The following FYB2 variants were observed in gnomAD, a reference collection of about 807,000 sequenced individuals.
FYB2 encodes the protein FYN binding protein 2.
Under a neutral mutation model 94.1 loss-of-function variants are expected in FYB2, and 103 were observed. The ratio of observed to expected loss-of-function variants is 1.09; its 90% CI spans 0.93 to 1.29. The LOEUF is 1.29. Ranked by LOEUF, FYB2 falls within the 50% of genes most tolerant of loss-of-function variation. The pLI is 0.00. For synonymous variants in FYB2, 293 were observed against 287.9 expected (o/e 1.02, Z -0.18); for missense variants, 896 against 841.5 (o/e 1.06, Z -0.80).
intron 5 of FYB2, among the ~76,000 whole-genome samples, chr1:56,764,639 CTA>C (rs1645579219): frequency 6.6e-6 from 1 of 151,862 alleles, no homozygotes; most frequent in Admixed American, 6.6e-5. Flanking sequence ...ATGTCCATAA[CTA>C]TGCATTGGAA....
intron 15 of FYB2, among the ~76,000 whole-genome samples, chr1:56,735,042 C>T (rs1227370400): frequency 2.0e-5 from 3 of 151,910 alleles, no homozygotes; most frequent in African/African-American, 7.3e-5. Context: ...CTATGAATAA[C>T]AGTATGGAGG....
At chr1:56,813,206 A>G (rs986126611) in intron 1 of FYB2, among the ~76,000 whole-genome samples, 3 of 152,202 alleles carry the variant, frequency 2.0e-5, no homozygotes, top group African/African-American at 7.2e-5. Flanking sequence ...AACTTGATGT[A>G]TTAGTCCGTT....
intron 5 of FYB2, 80 bp from the exon 6 acceptor site, chr1:56,758,830 AAAGATTCC>A: frequency 1.8e-6 from 2 of 1,102,790 alleles, no homozygotes; most frequent in Non-Finnish European, 2.6e-6. Context: ...AGCAGTTATA[AAAGATTCC>A]AGAATTCAGT....
At chr1:56,732,627 AG>A (rs1450970446) in intron 15 of FYB2, among the ~76,000 whole-genome samples, 4 of 152,246 alleles carry the variant, frequency 2.6e-5, no homozygotes, top group African/African-American at 9.6e-5. Context: ...GGCATAAAAC[AG>A]ACACACAAAC....
At position 56,775,042 on chromosome 1, in the gene FYB2, T is replaced by C. The variant is rs1365208918; in HGVS notation, c.954-7104A>G. 2.6e-5 allele frequency among the ~76,000 whole-genome samples: 4 copies of C among 152,116 alleles called. No individual in the cohort carries two copies. In the South Asian group the frequency reaches 8.3e-4, roughly 32 times the overall value. Reference sequence around the variant, plus strand: ...TAGGGATACTTTTGAGATTTTGGAATTTGGACTGGCTTCCTTGCTCCTCAG... The same window carrying C: ...TAGGGATACTTTTGAGATTTTGGAACTTGGACTGGCTTCCTTGCTCCTCAG... On this transcript the variant is annotated intron_variant, in intron 4 of 19. Transcript: ENST00000343433.
At chr1:56,774,940 G>A (rs991277059) in intron 4 of FYB2, among the ~76,000 whole-genome samples, 1 of 152,032 alleles carries the variant, frequency 6.6e-6, no homozygotes, top group Admixed American at 6.6e-5. Context: ...TGGACTCTTG[G>A]ACTTAAACCA....
At position 56,751,648 on chromosome 1, in the gene FYB2, T is replaced by C. The variant is rs74073525; in HGVS notation, c.1228-445A>G. Among the ~76,000 whole-genome samples, 1,508 of 152,164 alleles carry C rather than the reference T, an allele frequency of 9.9e-3. 26 individuals carry two copies. Among genetic ancestry groups the C allele is most frequent in the African/African-American group, 0.034 (1,414 of 41,546 alleles). ...AAGGGATGCTATGTATTCCTTTTCA[T>C]TTCCTTCTTTTTGCCTACATTTTGT... On this transcript the variant is annotated intron_variant, in intron 8 of 19. Transcript: ENST00000343433.
At position 56,792,257 on chromosome 1, in the gene FYB2, GC is replaced by G; in HGVS notation, c.555del (p.Lys185AsnfsTer32). On this transcript the variant is annotated frameshift_variant, in exon 2 of 20. Transcript: ENST00000343433. LOFTEE classifies it high-confidence loss of function. ...AGAGTCTGGGCTCCTTTTGTTTCCA[GC>G]TTTTTCCTGGGTTCCTCTGGAGTAA... ...MGLTPEEPRK[K>X]LETKGAQTLP... is the part of the protein sequence containing the mutation. 1 of 1,612,244 alleles carries G rather than the reference GC, an allele frequency of 6.2e-7. No homozygotes were observed. The highest frequency in any genetic ancestry group is 1.1e-5 in the South Asian group (1 of 90,626).
In FYB2 at chr1:56,751,122, G is replaced by T. The variant is rs371955958; in HGVS notation, c.1309C>A (p.Gln437Lys). Residue 437 changes from glutamine (Q) to lysine (K), a missense_variant, in exon 9 of 20, where the codon CAA becomes AAA. By Grantham distance (53) the Gln-to-Lys change is moderately conservative. Transcript: ENST00000343433. ...TGGATGATGTCAATCATGGCCTCTT[G>T]CTTTCCAGCCAACATGTTCCTTCTA... ...TGRRNMLAGK[Q>K]EAMIDIIQTN... 6 of 1,612,746 alleles carry T rather than the reference G, an allele frequency of 3.7e-6. No homozygotes were observed. Among genetic ancestry groups the T allele is most frequent in the Non-Finnish European group, 5.1e-6 (6 of 1,179,274 alleles).
At chr1:56,803,122 AT>A (rs1646559641) in intron 1 of FYB2, among the ~76,000 whole-genome samples, 1 of 152,126 alleles carries the variant, frequency 6.6e-6, no homozygotes, top group Admixed American at 6.6e-5. Flanking sequence ...TGGAATTCAA[AT>A]TTTTTCCAGT....
Position 56,719,359 on chromosome 1 carries a change from A to G in FYB2, c.*312T>C, listed in dbSNP as rs1400832448. 3.6e-6 allele frequency: 1 copy of G among 279,872 alleles called. No individual in the cohort carries two copies. The allele number at this position is 279,872 out of a possible 1,614,324, so 17.3% of individuals were successfully genotyped here. A position where few individuals can be genotyped will look rare whatever the true frequency, so the allele number is the denominator to read the frequency against. On this transcript the variant is annotated 3_prime_UTR_variant, in exon 20 of 20. Transcript: ENST00000343433. Reference sequence around the variant, plus strand: ...CACAACTGACTAGGTGCCATAAGGCATGATTTCTAACTTTGGATATGGCTC... The same window carrying G: ...CACAACTGACTAGGTGCCATAAGGCGTGATTTCTAACTTTGGATATGGCTC...
intron 9 of FYB2, 60 bp downstream of exon 9, chr1:56,750,984 C>A: frequency 6.5e-7 from 1 of 1,549,596 alleles, no homozygotes. Flanking sequence ...AAATTTTGGC[C>A]ATGCTCAGCT....
intron 4 of FYB2, among the ~76,000 whole-genome samples, chr1:56,774,944 T>A (rs1645841523): frequency 1.3e-5 from 2 of 152,150 alleles, no homozygotes; most frequent in Admixed American, 1.3e-4. Context: ...CTCTTGGACT[T>A]AAACCAGTGG....
At position 56,792,150 on chromosome 1, in the gene FYB2, G is replaced by A; in HGVS notation, c.663C>T (p.Ile221=). The A allele has an allele frequency of 6.2e-7, 1 of 1,613,938 alleles. No homozygotes were observed. Among genetic ancestry groups the A allele is most frequent in the South Asian group, 1.1e-5 (1 of 91,022 alleles). Residue 221 remains isoleucine (I), a synonymous_variant, in exon 2 of 20, where the codon ATC becomes ATT. Coordinates refer to ENST00000343433, the MANE Select transcript of FYB2 (RefSeq NM_001004303.5). Reference sequence around the variant, plus strand: ...GAGGTGGGTTTTCCCAGCTTTTTCTGATATGTTGAGAAATTACAAAAGAGG... The same window carrying A: ...GAGGTGGGTTTTCCCAGCTTTTTCTAATATGTTGAGAAATTACAAAAGAGG... ...EDPSFVISQH[I]RKSWENPPPE... is the part of the protein sequence containing the mutation.
intron 4 of FYB2, among the ~76,000 whole-genome samples, chr1:56,781,018 T>C (rs1557642305): frequency 6.6e-6 from 1 of 152,206 alleles, no homozygotes; most frequent in Non-Finnish European, 1.5e-5. Context: ...CTCTTGAATA[T>C]CACCACAAGG....
At chr1:56,797,431 C>T (rs1022468540) in intron 1 of FYB2, among the ~76,000 whole-genome samples, 1 of 152,118 alleles carries the variant, frequency 6.6e-6, no homozygotes, top group African/African-American at 2.4e-5. Flanking sequence ...CCTACCTTAC[C>T]CTGGGTATAC....
intron 16 of FYB2, among the ~76,000 whole-genome samples, chr1:56,724,989 T>TTTGTTAAAATGAGCCTGGCACCTCAC (rs1644556703): frequency 3.3e-5 from 5 of 152,000 alleles, no homozygotes; most frequent in Admixed American, 6.6e-5. Flanking sequence ...TGGCATCTCA[T>TTTGTTAAAATGAGCCTGGCACCTCAC]TTGTTAAAAT....
chr1:56,776,734 T>TG (rs1645885733), intron 4 of FYB2, among the ~76,000 whole-genome samples: 1 of 152,304 alleles, frequency 6.6e-6, no homozygotes, highest in South Asian at 2.1e-4. Flanking sequence ...AATAGGAGCC[T>TG]GGTCTCCTGA....
intron 9 of FYB2, among the ~76,000 whole-genome samples, chr1:56,749,531 T>C (rs1210176160): frequency 6.6e-6 from 1 of 152,034 alleles, no homozygotes. Context: ...TATTATTTTT[T>C]CCTTTTCAAA....
Sources: allele counts gnomAD v4.1 joint callset (sites outside exome capture counted in the v4.1 genomes callset), GRCh38; gene constraint gnomAD v4.1.1; transcripts MANE v1.5; gene names NCBI Gene and HGNC (gene_info 2026-07-23, HGNC 2026-07-21).